The following DLL3 variants were observed in gnomAD, a reference collection of about 807,000 sequenced individuals.
DLL3 encodes delta-like protein 3.
In DLL3, 49 loss-of-function variants were observed where a neutral mutation model predicts 55.0. That is an observed-to-expected ratio of 0.89 (90% CI 0.71 to 1.13). DLL3 has a LOEUF of 1.13. DLL3 is among the 50% of genes most tolerant of loss of function. DLL3 has a pLI of 0.00. For missense variants in DLL3, 962 were observed against 875.5 expected (o/e 1.10, Z -1.25); for synonymous variants, 421 against 385.2 (o/e 1.09, Z -1.09).
chr19:39,500,907 G>A (rs887189681), intron 3 of DLL3, among the ~76,000 whole-genome samples: 1 of 151,664 alleles, frequency 6.6e-6, no homozygotes, highest in African/African-American at 2.4e-5. Context: ...CAAGGCTCCA[G>A]AGCAGAGTGT....
chr19:39,504,404 A>G, intron 5 of DLL3, 116 bp downstream of exon 5: 1 of 1,195,738 alleles, frequency 8.4e-7, no homozygotes, highest in Non-Finnish European at 1.2e-6. Flanking sequence ...AATAACTATC[A>G]GGGAGGTCTT....
At position 39,507,485 on chromosome 19, in the gene DLL3, C is replaced by T. The variant is rs1458137859; in HGVS notation, c.1540C>T (p.His514Tyr). The T allele has an allele frequency of 6.3e-7, 1 of 1,594,654 alleles. No homozygotes were observed. The change falls in exon 7 of 9, where the codon CAC (histidine) becomes TAC (tyrosine). Residue 514 changes from histidine to tyrosine, a missense_variant. Coordinates refer to ENST00000356433, the MANE Select transcript of DLL3 (RefSeq NM_203486.3). Reference sequence around the variant, plus strand: ...GGCCGGCGCTGCGCTCTTGCTGGTCCACGTGCGCCGCCGTGGCCACTCCCA... The same window carrying T: ...GGCCGGCGCTGCGCTCTTGCTGGTCTACGTGCGCCGCCGTGGCCACTCCCA... ...GVAGAALLLV[H>Y]VRRRGHSQDA... is the part of the protein sequence containing the mutation.
At position 39,506,171 on chromosome 19, in the gene DLL3, C is replaced by T. The variant is rs1290249055; in HGVS notation, c.1093+720C>T. ...AGGTTGCAGTGAGCCGAGATCATGC[C>T]ACTGCGCTCCCGCCTGGGCGACAGA... is the stretch of plus-strand genomic sequence containing the variant. On this transcript the variant is annotated intron_variant, in intron 6 of 8. Transcript: ENST00000356433. 4.4e-5 allele frequency among the ~76,000 whole-genome samples: 6 copies of T among 136,134 alleles called. No individual in the cohort carries two copies. The East Asian group carries it at 1.1e-3, about 25-fold the overall frequency. The allele number at this position is 136,134 out of a possible 152,430, so 89.3% of individuals were successfully genotyped here. A position where few individuals can be genotyped will look rare whatever the true frequency, so the allele number is the denominator to read the frequency against.
intron 3 of DLL3, 41 bp downstream of exon 3, chr19:39,500,713 C>G: frequency 6.4e-7 from 1 of 1,560,180 alleles, no homozygotes; most frequent in Non-Finnish European, 8.8e-7. Flanking sequence ...GAGCTGGGGC[C>G]CACGTGAGAC....
chr19:39,508,314 G>T lies in DLL3; in HGVS notation c.*57G>T. On this transcript the variant is annotated 3_prime_UTR_variant, in exon 9 of 9. Coordinates refer to ENST00000356433, the MANE Select transcript of DLL3 (RefSeq NM_203486.3). ...GCGTGGATTTTTGTATTTGCTCGGT[G>T]GTGCCCAGTCTCTGCCCCAGAGGCT... 16 of 1,601,740 alleles carry T rather than the reference G, an allele frequency of 1.0e-5. No individual in the cohort carries two copies. The highest frequency in any genetic ancestry group is 9.9e-5 in the South Asian group (9 of 90,860).
At chr19:39,508,145 T>G in intron 8 of DLL3, 107 bp from the exon 9 acceptor site, 3 of 1,613,716 alleles carry the variant, frequency 1.9e-6, no homozygotes, top group Non-Finnish European at 2.5e-6. Flanking sequence ...CTTGAGGAGG[T>G]CACGATGCCG....
chr19:39,505,812 G>C (rs974129947), intron 6 of DLL3, among the ~76,000 whole-genome samples: 1 of 152,142 alleles, frequency 6.6e-6, no homozygotes, highest in African/African-American at 2.4e-5. Context: ...GGCACATCTT[G>C]TGGGACCCCC....
rs367573123 is a variant in DLL3, at chr19:39,507,088, C to A, written c.1143C>A (p.Ala381=). 1.9e-6 allele frequency: 3 copies of A among 1,543,004 alleles called. No homozygotes were observed. Among genetic ancestry groups the A allele is most frequent in the South Asian group, 1.2e-5 (1 of 84,750 alleles). Residue 381 remains alanine, a synonymous_variant, in exon 7 of 9, where the codon GCC becomes GCA. Transcript: ENST00000356433. Reference sequence around the variant, plus strand: ...ACGCCCTGCGCTGCCGCTGCCGCGCCGGCTTCGCGGGTCCTCGCTGCGAGC... The same window carrying A: ...ACGCCCTGCGCTGCCGCTGCCGCGCAGGCTTCGCGGGTCCTCGCTGCGAGC... ...LGHALRCRCR[A]GFAGPRCEHD... is the part of the protein sequence containing the mutation.
chr19:39,507,257 T>G lies in DLL3; in HGVS notation c.1312T>G (p.Cys438Gly), dbSNP rs888371213. The change falls in exon 7 of 9, where the codon TGT becomes GGT. Residue 438 changes from cysteine (C) to glycine (G), a missense_variant. By Grantham distance (159) the Cys-to-Gly change is radical. Coordinates refer to ENST00000356433, the MANE Select transcript of DLL3 (RefSeq NM_203486.3). The part of the protein sequence containing the change: ...ERADPCAARP[C>G]AHGGRCYAHF... ...CGCGGACCCGTGCGCCGCGCGCCCC[T>G]GTGCTCACGGCGGCCGCTGCTACGC... The G allele has an allele frequency of 1.3e-6, 2 of 1,526,758 alleles. No individual in the cohort carries two copies. Among genetic ancestry groups the G allele is most frequent in the African/African-American group, 2.8e-5 (2 of 71,362 alleles). The allele number at this position is 1,526,758 out of a possible 1,614,324, so 94.6% of individuals were successfully genotyped here. A position where few individuals can be genotyped will look rare whatever the true frequency, so the allele number is the denominator to read the frequency against.
In DLL3 at chr19:39,503,023, C is replaced by T. The variant is rs192624990; in HGVS notation, c.618C>T (p.Pro206=). 1,263 of 1,516,224 alleles carry T rather than the reference C, an allele frequency of 8.3e-4. 5 individuals carry two copies. The East Asian group carries it at 0.011, about 13-fold the overall frequency. The allele number at this position is 1,516,224 out of a possible 1,614,324, so 93.9% of individuals were successfully genotyped here. ...APSRCGPGLR[P]CAPLEDECEA... ...CGCGGTGCGGTCCGGGACTGCGCCC[C>T]TGCGCACCGCTCGAGGACGAATGTG... Residue 206 remains proline (P), a synonymous_variant, in exon 4 of 9, where the codon CCC becomes CCT. Transcript: ENST00000356433.
At chr19:39,500,083 T>C (rs1198849936) in intron 2 of DLL3, among the ~76,000 whole-genome samples, 2 of 152,014 alleles carry the variant, frequency 1.3e-5, no homozygotes, top group African/African-American at 4.8e-5. Context: ...AGGGTCCCTT[T>C]TGAGCGATTC....
At position 39,508,271 on chromosome 19, in the gene DLL3, TC is replaced by T; in HGVS notation, c.*16del. ...TTCTAGGCCTGACGCGTCTCCTCCA[TC>T]CGCACCTGGAGTCAGAGCGTGGATT... On this transcript the variant is annotated 3_prime_UTR_variant, in exon 9 of 9. Transcript: ENST00000356433. 1.2e-6 allele frequency: 2 copies of T among 1,613,868 alleles called. No individual in the cohort carries two copies. Among genetic ancestry groups the T allele is most frequent in the Non-Finnish European group, 1.7e-6 (2 of 1,179,948 alleles).
At position 39,507,190 on chromosome 19, in the gene DLL3, C is replaced by G. The variant is rs1171620447; in HGVS notation, c.1245C>G (p.Cys415Trp). ...TCVEGGGAHR[C>W]SCALGFGGRD... Reference sequence around the variant, plus strand: ...TGGAGGGCGGCGGCGCGCACCGCTGCTCCTGCGCGCTGGGCTTCGGCGGCC... The same window carrying G: ...TGGAGGGCGGCGGCGCGCACCGCTGGTCCTGCGCGCTGGGCTTCGGCGGCC... The change falls in exon 7 of 9, where the codon TGC becomes TGG. Residue 415 changes from cysteine to tryptophan, a missense_variant. Cys to Trp is a radical substitution (Grantham distance 215). Transcript: ENST00000356433. The G allele has an allele frequency of 3.0e-6, 4 of 1,322,070 alleles. No homozygotes were observed. In the African/African-American group the frequency reaches 6.2e-5, roughly 21 times the overall value. 81.9% of individuals were successfully genotyped at this position (1,322,070 alleles called of 1,614,324 possible). A position where few individuals can be genotyped will look rare whatever the true frequency, so the allele number is the denominator to read the frequency against.
Position 39,500,628 on chromosome 19 carries a change from TCATCATCGAAACC to T in DLL3, c.366_378del (p.Ile123GlyfsTer5), listed in dbSNP as rs2079604821. ...TCACCCAACCAGGGCACCTTCTCTTTCATCATCGAAACCTGGAGAGAGGAGTTAGGAGACCAGA... is the reference window on the plus strand; with the variant it reads ...TCACCCAACCAGGGCACCTTCTCTTTTGGAGAGAGGAGTTAGGAGACCAGA... On this transcript the variant is annotated frameshift_variant, in exon 3 of 9. Transcript: ENST00000356433. LOFTEE classifies it high-confidence loss of function. 6.2e-7 allele frequency: 1 copy of T among 1,613,316 alleles called. No homozygotes were observed. Among genetic ancestry groups the T allele is most frequent in the South Asian group, 1.1e-5 (1 of 91,076 alleles).
At chr19:39,508,194 G>A in intron 8 of DLL3, 58 bp from the exon 9 acceptor site, 1 of 1,613,876 alleles carries the variant, frequency 6.2e-7, no homozygotes, top group Admixed American at 1.7e-5. Context: ...ACTCAGCGGG[G>A]AGGCAGGGGA....
In DLL3 at chr19:39,506,211, C is replaced by CAAA. The variant is rs541216671; in HGVS notation, c.1093+788_1093+790dup. 2.8e-4 allele frequency among the ~76,000 whole-genome samples: 15 copies of CAAA among 54,528 alleles called. 1 individual carries two copies. The highest frequency in any genetic ancestry group is 8.6e-4 in the East Asian group (1 of 1,158). The allele number at this position is 54,528 out of a possible 152,430, so 35.8% of individuals were successfully genotyped here. A position where few individuals can be genotyped will look rare whatever the true frequency, so the allele number is the denominator to read the frequency against. ...TGGGCGACAGAGTGACACTCTGTCTCAAAAAAAAAAAAAAAAAAAAAAAAA... is the reference window on the plus strand; with the variant it reads ...TGGGCGACAGAGTGACACTCTGTCTCAAAAAAAAAAAAAAAAAAAAAAAAAAAA... On this transcript the variant is annotated intron_variant, in intron 6 of 8. Coordinates refer to ENST00000356433, the MANE Select transcript of DLL3 (RefSeq NM_203486.3).
At chr19:39,507,727 T>C (rs979856034) in intron 7 of DLL3, 103 bp from the exon 8 acceptor site, 7 of 1,601,728 alleles carry the variant, frequency 4.4e-6, no homozygotes, top group African/African-American at 1.3e-5. Flanking sequence ...CGGTCTCTCT[T>C]ACCCCGGTAG....
intron 2 of DLL3, 131 bp from the exon 3 acceptor site, chr19:39,500,484 G>T (rs2079603849): frequency 2.4e-6 from 2 of 835,530 alleles, no homozygotes; most frequent in African/African-American, 3.3e-5. Context: ...GGTCCCTCTG[G>T]GAATTGTCCC....
intron 4 of DLL3, among the ~76,000 whole-genome samples, chr19:39,503,710 G>A (rs1009288341): frequency 6.6e-6 from 1 of 152,092 alleles, no homozygotes; most frequent in Admixed American, 6.5e-5. Context: ...TCCCTGAAAG[G>A]CCAGGGGTCC....
Sources: gnomAD v4.1 joint callset for allele counts (sites outside exome capture counted in the v4.1 genomes callset) on GRCh38, gnomAD v4.1.1 for gene constraint, MANE v1.5 for transcripts, NCBI Gene and HGNC (gene_info 2026-07-23, HGNC 2026-07-21) for gene names.